ZNF385D: variants seen among roughly 807,000 people sequenced by gnomAD.
ZNF385D encodes the protein zinc finger protein 385D.
A neutral mutation model predicts 35.8 loss-of-function variants in ZNF385D; 15 were observed. That is an observed-to-expected ratio of 0.42 (90% CI 0.28 to 0.64). The LOEUF is 0.64. Among genes scored for constraint, ZNF385D ranks in the 30% least tolerant of loss-of-function variants. The pLI, the probability that ZNF385D is intolerant of heterozygous loss-of-function variation, is 0.23. For synonymous variants in ZNF385D, 212 were observed against 186.8 expected, an observed-to-expected ratio of 1.13 and a Z score of -1.10; for missense variants, 474 against 494.6, an observed-to-expected ratio of 0.96 and a Z score of 0.39.
chr3:22,104,117 A>T (rs1702082593), intron 3 of ZNF385D, among the ~76,000 whole-genome samples: 1 of 152,078 alleles, frequency 6.6e-6, no homozygotes, highest in African/African-American at 2.4e-5. Flanking sequence ...TCCATGTATT[A>T]TTCAAGTTGG....
intron 2 of ZNF385D, among the ~76,000 whole-genome samples, chr3:22,235,750 A>AT (rs2125305094): frequency 6.6e-6 from 1 of 152,292 alleles, no homozygotes; most frequent in African/African-American, 2.4e-5. Flanking sequence ...AATATGCTTA[A>AT]TAATACTGTG....
chr3:22,021,328 G>A (rs964678872), intron 3 of ZNF385D, among the ~76,000 whole-genome samples: 2 of 151,902 alleles, frequency 1.3e-5, no homozygotes, highest in African/African-American at 4.8e-5. Flanking sequence ...CAAAGCTTGT[G>A]GGGGAGTCAG....
At chr3:21,504,269 C>T (rs1706608534) in intron 4 of ZNF385D, among the ~76,000 whole-genome samples, 1 of 152,046 alleles carries the variant, frequency 6.6e-6, no homozygotes, top group South Asian at 2.1e-4. Context: ...CCAAAAACAA[C>T]AACAACAACA....
chr3:22,186,334 G>A (rs1368634544), intron 2 of ZNF385D, among the ~76,000 whole-genome samples: 2 of 152,244 alleles, frequency 1.3e-5, no homozygotes, highest in Non-Finnish European at 2.9e-5. Flanking sequence ...CACATCCAGA[G>A]ACATGAAGAA....
intron 3 of ZNF385D, among the ~76,000 whole-genome samples, chr3:22,100,088 A>C (rs930146164): frequency 3.3e-5 from 5 of 150,314 alleles, no homozygotes; most frequent in African/African-American, 1.2e-4. Context: ...AAAAATGCTC[A>C]CCATCACTGG....
chr3:21,425,748 A>G, intron 5 of ZNF385D, 78 bp from the exon 6 acceptor site: 1 of 1,373,688 alleles, frequency 7.3e-7, no homozygotes, highest in Non-Finnish European at 9.8e-7. Flanking sequence ...GATGGGAGGA[A>G]AAAAATCTTA....
chr3:21,698,830 G>T (rs1274621839), intron 1 of ZNF385D, among the ~76,000 whole-genome samples: 2 of 152,060 alleles, frequency 1.3e-5, no homozygotes, highest in African/African-American at 4.8e-5. Flanking sequence ...TCATTAAAAA[G>T]TCAGGAAACA....
At chr3:21,990,852 C>A (rs1461376220) in intron 3 of ZNF385D, among the ~76,000 whole-genome samples, 1 of 152,116 alleles carries the variant, frequency 6.6e-6, no homozygotes, top group African/African-American at 2.4e-5. Context: ...CCTTTGAAAA[C>A]AGAATGCTAC....
intron 4 of ZNF385D, among the ~76,000 whole-genome samples, chr3:21,492,776 AAAATAAAT>A (rs60627008): frequency 4.6e-4 from 65 of 141,026 alleles, no homozygotes; most frequent in Middle Eastern, 3.5e-3. Flanking sequence ...CTCTGTTTCA[AAAATAAAT>A]AAATAAATAA....
rs1700546772 is a variant in ZNF385D, at chr3:21,415,288, T to A, written c.*5926A>T. 6.6e-6 allele frequency: 1 copy of A among 152,154 alleles called. No homozygotes were observed. The highest frequency in any genetic ancestry group is 2.4e-5 in the African/African-American group (1 of 41,442). The allele number at this position is 152,154 out of a possible 1,614,324, so 9.4% of individuals were successfully genotyped here. On this transcript the variant is annotated 3_prime_UTR_variant, in exon 8 of 8. Coordinates refer to ENST00000281523, the MANE Select transcript of ZNF385D (RefSeq NM_024697.3). Reference sequence around the variant, plus strand: ...ACACTACCTGGATTTGAGGAAGATTTTATAAGCATTCAAAGTCAGTACTCA... The same window carrying A: ...ACACTACCTGGATTTGAGGAAGATTATATAAGCATTCAAAGTCAGTACTCA...
At chr3:21,799,690 T>C (rs1243654036) in intron 3 of ZNF385D, among the ~76,000 whole-genome samples, 1 of 152,194 alleles carries the variant, frequency 6.6e-6, no homozygotes, top group African/African-American at 2.4e-5. Flanking sequence ...AGGCATTTGA[T>C]TCCAGATACT....
In ZNF385D at chr3:21,421,366, C is replaced by A. The variant is rs775396986; in HGVS notation, c.1036G>T (p.Ala346Ser). ...LPNPLAAAAA[A>S]AAVAVSSPFS... ...GGGGAACTCACTGCCACTGCTGCTG[C>A]GGCTGCTGCAGCTGCTAGAGGATTT... The change falls in exon 8 of 8, where the codon GCA becomes TCA. Residue 346 changes from alanine (A) to serine (S), a missense_variant. Transcript: ENST00000281523. The A allele has an allele frequency of 6.2e-7, 1 of 1,612,926 alleles. No individual in the cohort carries two copies.
At chr3:21,932,093 G>A (rs1047476858) in intron 3 of ZNF385D, among the ~76,000 whole-genome samples, 7 of 146,840 alleles carry the variant, frequency 4.8e-5, no homozygotes, top group South Asian at 2.2e-4. Flanking sequence ...TGTGAATCCT[G>A]GAGGCGGAGC....
At chr3:21,873,918 A>G (rs1291998504) in intron 3 of ZNF385D, among the ~76,000 whole-genome samples, 1 of 151,758 alleles carries the variant, frequency 6.6e-6, no homozygotes, top group Non-Finnish European at 1.5e-5. Flanking sequence ...CTTCTTGGCT[A>G]TTGTGAATAA....
intron 2 of ZNF385D, among the ~76,000 whole-genome samples, chr3:22,366,503 A>G (rs1460006294): frequency 6.6e-6 from 1 of 152,184 alleles, no homozygotes; most frequent in East Asian, 1.9e-4. Flanking sequence ...ATTAAAACAT[A>G]TTAAAATAAT....
At chr3:21,926,852 A>C (rs1438952614) in intron 3 of ZNF385D, among the ~76,000 whole-genome samples, 1 of 152,208 alleles carries the variant, frequency 6.6e-6, no homozygotes, top group Non-Finnish European at 1.5e-5. Context: ...ATTTCATCAG[A>C]GTGAAAAGGC....
chr3:22,039,166 G>C (rs946856798), intron 3 of ZNF385D, among the ~76,000 whole-genome samples: 2 of 148,222 alleles, frequency 1.3e-5, no homozygotes, highest in African/African-American at 5.0e-5. Flanking sequence ...AACCTCTAAG[G>C]ATGTCCATTT....
intron 3 of ZNF385D, among the ~76,000 whole-genome samples, chr3:21,789,712 T>TAA (rs369658073): frequency 2.6e-5 from 4 of 152,028 alleles, no homozygotes; most frequent in Admixed American, 6.5e-5. Flanking sequence ...CATGTTTATG[T>TAA]AAAAAAAGAT....
At chr3:22,170,209 G>C (rs1694318003) in intron 2 of ZNF385D, among the ~76,000 whole-genome samples, 1 of 152,152 alleles carries the variant, frequency 6.6e-6, no homozygotes. Context: ...TTTATGAGCT[G>C]ACTGCTATGT....
Sources: gnomAD v4.1 joint callset for allele counts (sites outside exome capture counted in the v4.1 genomes callset) on GRCh38, gnomAD v4.1.1 for gene constraint, MANE v1.5 for transcripts, NCBI Gene and HGNC (gene_info 2026-07-23, HGNC 2026-07-21) for gene names.